The following SPAG16 variants were observed in gnomAD, a reference collection of about 807,000 sequenced individuals.
SPAG16 encodes the protein sperm-associated antigen 16 protein.
SPAG16 carries 86 observed loss-of-function variants against 80.4 expected under a neutral mutation model. That is an observed-to-expected ratio of 1.07 (90% CI 0.90 to 1.28). The LOEUF is 1.28. Among genes scored for constraint, SPAG16 ranks in the 50% most tolerant of loss-of-function variants. SPAG16 has a pLI of 0.00. For missense variants in SPAG16, 870 were observed against 765.3 expected, an observed-to-expected ratio of 1.14 and a Z score of -1.61; for synonymous variants, 294 against 265.9, an observed-to-expected ratio of 1.11 and a Z score of -1.03.
At chr2:213,407,619 GAGAGAGAGAGAGAGAGAGAGAC>G (rs1162919503) in intron 9 of SPAG16, among the ~76,000 whole-genome samples, 7 of 132,118 alleles carry the variant, frequency 5.3e-5, no homozygotes, top group South Asian at 2.4e-4. Context: ...GAGAGAGAGA[GAGAGAGAGAGAGAGAGAGAGAC>G]AGACAGACAG....
intron 15 of SPAG16, among the ~76,000 whole-genome samples, chr2:214,284,656 G>A (rs2125919044): frequency 6.6e-6 from 1 of 152,332 alleles, no homozygotes; most frequent in South Asian, 2.1e-4. Context: ...TAAGAGTACA[G>A]CTAAATATTA....
Position 213,292,902 on chromosome 2 carries a change from C to T in SPAG16, c.137-3162C>T, listed in dbSNP as rs1027173230. ...TATAAGCCAGGCACTAATCTAAATGCTTTACATATATTGACTCTTAACATT... is the reference window on the plus strand; with the variant it reads ...TATAAGCCAGGCACTAATCTAAATGTTTTACATATATTGACTCTTAACATT... On this transcript the variant is annotated intron_variant, in intron 1 of 15. Coordinates refer to ENST00000331683, the MANE Select transcript of SPAG16 (RefSeq NM_024532.5). 5.9e-5 allele frequency among the ~76,000 whole-genome samples: 9 copies of T among 152,138 alleles called. No homozygotes were observed. In the East Asian group the frequency reaches 1.7e-3, roughly 29 times the overall value.
At chr2:214,285,945 A>G (rs1432593512) in intron 15 of SPAG16, among the ~76,000 whole-genome samples, 1 of 152,150 alleles carries the variant, frequency 6.6e-6, no homozygotes, top group African/African-American at 2.4e-5. Flanking sequence ...CGTCTAGACC[A>G]ATGTTAATAA....
intron 10 of SPAG16, among the ~76,000 whole-genome samples, chr2:213,689,684 A>G (rs189125037): frequency 9.4e-4 from 143 of 152,182 alleles, no homozygotes; most frequent in Non-Finnish European, 1.6e-3. Context: ...TGTTCTCACT[A>G]TTCTTTTCAG....
chr2:213,839,801 G>A (rs1166874696), intron 10 of SPAG16, among the ~76,000 whole-genome samples: 1 of 152,028 alleles, frequency 6.6e-6, no homozygotes, highest in East Asian at 1.9e-4. Context: ...CTATAGTGGG[G>A]AATTACTCAC....
chr2:213,306,600 G>C (rs1328458526), intron 3 of SPAG16, among the ~76,000 whole-genome samples: 1 of 151,734 alleles, frequency 6.6e-6, no homozygotes, highest in Non-Finnish European at 1.5e-5. Flanking sequence ...GCCCGTGGTG[G>C]TGAGGCTTTC....
intron 10 of SPAG16, among the ~76,000 whole-genome samples, chr2:213,733,499 A>ATTT (rs60768952): frequency 3.7e-4 from 46 of 123,188 alleles, no homozygotes; most frequent in African/African-American, 1.2e-3. Context: ...TTATGAAGGG[A>ATTT]TTTTTTTTTT....
chr2:213,785,587 AT>A (rs1259650180), intron 10 of SPAG16, among the ~76,000 whole-genome samples: 2 of 152,188 alleles, frequency 1.3e-5, no homozygotes, highest in Non-Finnish European at 2.9e-5. Flanking sequence ...TAAACTAGTG[AT>A]TTATAAGGTA....
chr2:214,049,559 T>C (rs780959898), intron 13 of SPAG16, among the ~76,000 whole-genome samples: 3 of 152,246 alleles, frequency 2.0e-5, no homozygotes. Flanking sequence ...TTGATATAAA[T>C]TGTGAACTTC....
At chr2:213,366,537 G>A (rs532759991) in intron 8 of SPAG16, among the ~76,000 whole-genome samples, 45 of 152,162 alleles carry the variant, frequency 3.0e-4, no homozygotes, top group Non-Finnish European at 5.4e-4. Flanking sequence ...GCAAGAGAGA[G>A]TTTGCAGAGG....
chr2:214,115,821 C>G (rs1023037078), intron 14 of SPAG16, among the ~76,000 whole-genome samples: 4 of 143,100 alleles, frequency 2.8e-5, no homozygotes, highest in African/African-American at 1.1e-4. Flanking sequence ...GAGATTGCAG[C>G]GAGCTGAGAT....
chr2:213,967,477 A>C (rs111957573), intron 12 of SPAG16, among the ~76,000 whole-genome samples: 10 of 152,212 alleles, frequency 6.6e-5, no homozygotes, highest in African/African-American at 1.9e-4. Context: ...AAAGATTTTC[A>C]AAAAACCAGA....
At chr2:214,119,410 A>G (rs1240429544) in intron 14 of SPAG16, among the ~76,000 whole-genome samples, 1 of 152,162 alleles carries the variant, frequency 6.6e-6, no homozygotes, top group African/African-American at 2.4e-5. Flanking sequence ...GATGACAGTA[A>G]TTTCCAGAAA....
chr2:214,162,903 C>A (rs80261873), intron 15 of SPAG16, among the ~76,000 whole-genome samples: 6,424 of 152,136 alleles, frequency 0.042, 193 homozygotes, highest in Non-Finnish European at 0.061. Flanking sequence ...CAAATATAGA[C>A]AATTTGTTCA....
In SPAG16 at chr2:213,484,088, G is replaced by T. The variant is rs553511367; in HGVS notation, c.943-5875G>T. Among the ~76,000 whole-genome samples, 1,253 of 148,282 alleles carry T rather than the reference G, an allele frequency of 8.5e-3. 18 individuals are homozygous for T. Among genetic ancestry groups the T allele is most frequent in the African/African-American group, 0.031 (1,189 of 37,828 alleles). On this transcript the variant is annotated intron_variant, in intron 9 of 15. Coordinates refer to ENST00000331683, the MANE Select transcript of SPAG16 (RefSeq NM_024532.5). ...TGTACATCTTTTTTTTCATTTTATG[G>T]CTTCAGCCTTATCTTATATGAGTCA...
At chr2:213,789,447 C>G (rs2070550272) in intron 10 of SPAG16, among the ~76,000 whole-genome samples, 1 of 151,916 alleles carries the variant, frequency 6.6e-6, no homozygotes, top group Admixed American at 6.6e-5. Context: ...TGATCATTGC[C>G]TTTATGTTCA....
chr2:213,325,620 A>ATGTGTGTG (rs10534467), intron 5 of SPAG16, among the ~76,000 whole-genome samples: 8 of 149,094 alleles, frequency 5.4e-5, no homozygotes, highest in African/African-American at 2.0e-4. Context: ...TTGGAAAAAT[A>ATGTGTGTG]TGTGTGTGTG....
In SPAG16 at chr2:213,443,193, C is replaced by T. The variant is rs1253203272; in HGVS notation, c.943-46770C>T. Among the ~76,000 whole-genome samples the T allele has an allele frequency of 3.3e-5, 5 of 152,050 alleles. 1 individual carries two copies. The highest frequency in any genetic ancestry group is 1.2e-4 in the African/African-American group (5 of 41,404). ...GGTGAGAGTACCTAATATCTACTTT[C>T]TTAGCAAATTTTTAGTATGCAATAT... is the stretch of plus-strand genomic sequence containing the variant. On this transcript the variant is annotated intron_variant, in intron 9 of 15. Coordinates refer to ENST00000331683, the MANE Select transcript of SPAG16 (RefSeq NM_024532.5).
At position 214,087,224 on chromosome 2, in the gene SPAG16, C is replaced by T. The variant is rs140877392; in HGVS notation, c.1528-20972C>T. Among the ~76,000 whole-genome samples the T allele has an allele frequency of 3.5e-4, 53 of 152,128 alleles. 1 individual carries two copies. In the East Asian group the frequency reaches 9.7e-3, roughly 28 times the overall value. On this transcript the variant is annotated intron_variant, in intron 13 of 15. Transcript: ENST00000331683. Reference sequence around the variant, plus strand: ...AAAGAGTTAAATGCAGATTTTTTTGCTATCTTAACTTTAAGGACGCTATAT... The same window carrying T: ...AAAGAGTTAAATGCAGATTTTTTTGTTATCTTAACTTTAAGGACGCTATAT...
Sources: gnomAD v4.1 joint callset for allele counts (sites outside exome capture counted in the v4.1 genomes callset) on GRCh38, gnomAD v4.1.1 for gene constraint, MANE v1.5 for transcripts, NCBI Gene and HGNC (gene_info 2026-07-23, HGNC 2026-07-21) for gene names.